Variants in PSD4 observed in about 807,000 individuals in gnomAD.
PSD4 encodes the protein pleckstrin and Sec7 domain containing 4, also known as PH and SEC7 domain-containing protein 4.
PSD4 carries 59 observed loss-of-function variants against 112.5 expected under a neutral mutation model. That is an observed-to-expected ratio of 0.52 (90% CI 0.43 to 0.65). PSD4 has a LOEUF of 0.65. Among genes scored for constraint, PSD4 ranks in the 30% least tolerant of loss-of-function variants. The probability of loss-of-function intolerance (pLI) is 0.00; values close to 1 mark genes in which losing one functional copy is unlikely to be tolerated. For synonymous variants in PSD4, 533 were observed against 540.0 expected, an observed-to-expected ratio of 0.99 and a Z score of 0.18; for missense variants, 1,267 against 1,352.6, an observed-to-expected ratio of 0.94 and a Z score of 0.99.
rs377061829 is a variant in PSD4, at chr2:113,192,556, G to A, written c.1805G>A (p.Arg602Gln). The A allele has an allele frequency of 3.3e-5, 53 of 1,614,030 alleles. No homozygotes were observed. Among genetic ancestry groups the A allele is most frequent in the Non-Finnish European group, 4.0e-5 (47 of 1,180,012 alleles). ...ASRLYRLEGF[R>Q]KSEVAAYLQK... ...CGCCTCTATCGCCTGGAGGGCTTCCGGAAGTCTGAAGTGGCTGCCTACCTG... is the reference window on the plus strand; with the variant it reads ...CGCCTCTATCGCCTGGAGGGCTTCCAGAAGTCTGAAGTGGCTGCCTACCTG... Residue 602 changes from arginine (R) to glutamine (Q), a missense_variant, in exon 6 of 17, where the codon CGG becomes CAG. Physicochemically the swap from Arg to Gln is conservative, Grantham distance 43. This residue lies in a region of PSD4 where 544 missense variants were observed against 648.6 expected (regional missense o/e 0.84). Transcript: ENST00000245796.
rs1273892240 is a variant in PSD4, at chr2:113,193,881, G to T, written c.2114G>T (p.Cys705Phe). Residue 705 changes from cysteine to phenylalanine, a missense_variant, in exon 10 of 17, where the codon TGC becomes TTC. Cys to Phe is a radical substitution (Grantham distance 205). Around this residue, in one of 2 missense-constraint regions of PSD4, gnomAD observed 544 missense variants for 648.6 expected, o/e 0.84. Coordinates refer to ENST00000245796, the MANE Select transcript of PSD4 (RefSeq NM_012455.3). ...HGQNIGKSMS[C>F]QEFITNLNGL... is the part of the protein sequence containing the mutation. Reference sequence around the variant, plus strand: ...CAGAACATTGGGAAGAGCATGAGCTGCCAGGAATTCATAACCAACCTGAAT... The same window carrying T: ...CAGAACATTGGGAAGAGCATGAGCTTCCAGGAATTCATAACCAACCTGAAT... The T allele has an allele frequency of 8.1e-6, 13 of 1,614,030 alleles. No homozygotes were observed. The highest frequency in any genetic ancestry group is 1.3e-5 in the African/African-American group (1 of 74,928).
At chr2:113,187,032 C>T (rs1672465391) in intron 5 of PSD4, among the ~76,000 whole-genome samples, 1 of 152,222 alleles carries the variant, frequency 6.6e-6, no homozygotes, top group Non-Finnish European at 1.5e-5. Context: ...GCAAGGGTTC[C>T]CCGAGCTCAG....
At chr2:113,179,769 A>T in intron 1 of PSD4, among the ~76,000 whole-genome samples, 1 of 152,204 alleles carries the variant, frequency 6.6e-6, no homozygotes, top group East Asian at 1.9e-4. Context: ...AGCATCAAGT[A>T]CAAGATTAAA....
rs1289107772 is a variant in PSD4, at chr2:113,182,802, C to G, written c.346C>G (p.Leu116Val). The change falls in exon 2 of 17, where the codon CTG becomes GTG. Residue 116 changes from leucine (L) to valine (V), a missense_variant. By Grantham distance (32) the Leu-to-Val change is conservative (BLOSUM62 1). This residue lies in a region of PSD4 where 723 missense variants were observed against 704.0 expected (regional missense o/e 1.03). Coordinates refer to ENST00000245796, the MANE Select transcript of PSD4 (RefSeq NM_012455.3). The stretch of plus-strand genomic sequence containing the variant: ...GGGCTCCGGTGTGGAGCTCACACAC[C>G]TGGGGAGCCCCTCTGCCCAGAGGGA... ...PWGSGVELTHLGSPSAQREHR... is the reference protein window; with the variant it reads ...PWGSGVELTHVGSPSAQREHR... The G allele has an allele frequency of 6.2e-7, 1 of 1,606,078 alleles. No homozygotes were observed. Among genetic ancestry groups the G allele is most frequent in the East Asian group, 2.2e-5 (1 of 44,768 alleles).
chr2:113,184,992 G>A lies in PSD4; in HGVS notation c.1092G>A (p.Pro364=), dbSNP rs780909915. ...DRLGPAPSAA[P]CVDEALTWES... ...TTGGTCCTGCTCCATCTGCAGCACC[G>A]TGTGTGGACGAAGCATTGACCTGGG... is the stretch of plus-strand genomic sequence containing the variant. Residue 364 remains proline (P), a synonymous_variant, in exon 3 of 17, where the codon CCG becomes CCA. Coordinates refer to ENST00000245796, the MANE Select transcript of PSD4 (RefSeq NM_012455.3). 1.4e-5 allele frequency: 22 copies of A among 1,614,108 alleles called. No homozygotes were observed. Among genetic ancestry groups the A allele is most frequent in the South Asian group, 4.4e-5 (4 of 91,088 alleles).
chr2:113,201,464 A>G lies in PSD4; in HGVS notation c.*49A>G. The G allele has an allele frequency of 6.3e-7, 1 of 1,599,760 alleles. No individual in the cohort carries two copies. The highest frequency in any genetic ancestry group is 8.5e-7 in the Non-Finnish European group (1 of 1,173,148). Reference sequence around the variant, plus strand: ...TGTTCCCTGCTCCAGGGTAGACCTGAGATGAACCTCCCTGGAGGAGACTTA... The same window carrying G: ...TGTTCCCTGCTCCAGGGTAGACCTGGGATGAACCTCCCTGGAGGAGACTTA... On this transcript the variant is annotated 3_prime_UTR_variant, in exon 17 of 17. Coordinates refer to ENST00000245796, the MANE Select transcript of PSD4 (RefSeq NM_012455.3).
intron 14 of PSD4, chr2:113,198,160 G>A (rs2104508660): frequency 2.1e-6 from 1 of 468,078 alleles, no homozygotes; most frequent in South Asian, 4.9e-5. Flanking sequence ...TTCCTTGTCA[G>A]TGGGATAAAG....
At chr2:113,185,711 G>A (rs1419965460) in intron 4 of PSD4, 166 bp from the exon 5 acceptor site, 54 of 1,548,780 alleles carry the variant, frequency 3.5e-5, no homozygotes, top group Non-Finnish European at 4.4e-5. Flanking sequence ...CTGGGAGCCC[G>A]CTGTCTGCTG....
At chr2:113,186,767 T>A (rs1558890200) in intron 5 of PSD4, among the ~76,000 whole-genome samples, 2 of 152,170 alleles carry the variant, frequency 1.3e-5, no homozygotes, top group African/African-American at 4.8e-5. Context: ...AGGGAATGGA[T>A]CTTGGGGCCC....
rs117059968 is a variant in PSD4, at chr2:113,200,751, T to G, written c.2914-407T>G. 3.4e-3 allele frequency among the ~76,000 whole-genome samples: 514 copies of G among 152,318 alleles called. 11 individuals carry two copies. The highest frequency in any genetic ancestry group is 0.025 in the East Asian group (130 of 5,190). On this transcript the variant is annotated intron_variant, in intron 16 of 16. Coordinates refer to ENST00000245796, the MANE Select transcript of PSD4 (RefSeq NM_012455.3). ...TAGATGAGGGTAGTTAGCATCATGC[T>G]CCACAGATGCCAATTGTTAAAATGC...
intron 5 of PSD4, among the ~76,000 whole-genome samples, chr2:113,189,822 T>C (rs890690604): frequency 8.5e-5 from 13 of 152,208 alleles, no homozygotes; most frequent in African/African-American, 3.1e-4. Flanking sequence ...CTTTTGAGAA[T>C]TGTCTATTCA....
chr2:113,190,662 C>T (rs142039738), intron 5 of PSD4, among the ~76,000 whole-genome samples: 1 of 152,158 alleles, frequency 6.6e-6, no homozygotes, highest in Non-Finnish European at 1.5e-5. Flanking sequence ...AGGCAGACCA[C>T]AAGGCTGGTC....
Position 113,183,064 on chromosome 2 carries a change from C to T in PSD4, c.608C>T (p.Ser203Phe), listed in dbSNP as rs1381726917. The T allele has an allele frequency of 6.2e-7, 1 of 1,612,850 alleles. No homozygotes were observed. Among genetic ancestry groups the T allele is most frequent in the Admixed American group, 1.7e-5 (1 of 59,956 alleles). The change falls in exon 2 of 17, where the codon TCC becomes TTC. Residue 203 changes from serine to phenylalanine, a missense_variant. Coordinates refer to ENST00000245796, the MANE Select transcript of PSD4 (RefSeq NM_012455.3). Reference protein sequence around the residue: ...VDLPGDTGLHSSPPENEDSGE... With the variant: ...VDLPGDTGLHFSPPENEDSGE... ...CTCCCCGGGGACACGGGCCTGCACT[C>T]CAGCCCACCTGAGAATGAAGACTCA...
rs1254329837 is a variant in PSD4, at chr2:113,185,411, C to T, written c.1220C>T (p.Pro407Leu). ...EGWQRGGPFW[P>L]QVTLNSQDRD... The stretch of plus-strand genomic sequence containing the variant: ...TGGCAGAGAGGAGGTCCTTTTTGGC[C>T]CCAGGTGACTCTTAACTCCCAGGAC... Residue 407 changes from proline to leucine, a missense_variant, in exon 4 of 17, where the codon CCC (proline) becomes CTC (leucine). Coordinates refer to ENST00000245796, the MANE Select transcript of PSD4 (RefSeq NM_012455.3). 3 of 1,614,014 alleles carry T rather than the reference C, an allele frequency of 1.9e-6. No homozygotes were observed. Among genetic ancestry groups the T allele is most frequent in the African/African-American group, 2.7e-5 (2 of 74,904 alleles).
In PSD4 at chr2:113,199,175, T is replaced by C; in HGVS notation, c.2862T>C (p.Arg954=). ...LQRNLPERRG[R]GRELEEHRLR... ...GGAACCTGCCGGAGCGGCGGGGCCG[T>C]GGCCGCGAGCTGGAGGAGCACCGCC... is the stretch of plus-strand genomic sequence containing the variant. The change falls in exon 16 of 17, where the codon CGT becomes CGC. Residue 954 remains arginine, a synonymous_variant. Transcript: ENST00000245796. 1 of 1,524,638 alleles carries C rather than the reference T, an allele frequency of 6.6e-7. No individual in the cohort carries two copies. The highest frequency in any genetic ancestry group is 8.8e-7 in the Non-Finnish European group (1 of 1,138,894). 94.4% of individuals were successfully genotyped at this position (1,524,638 alleles called of 1,614,324 possible).
Position 113,199,227 on chromosome 2 carries a change from G to A in PSD4, c.2913+1G>A. The A allele has an allele frequency of 1.3e-6, 2 of 1,488,394 alleles. No individual in the cohort carries two copies. Among genetic ancestry groups the A allele is most frequent in the Non-Finnish European group, 1.8e-6 (2 of 1,124,904 alleles). 92.2% of individuals were successfully genotyped at this position (1,488,394 alleles called of 1,614,324 possible). A position where few individuals can be genotyped will look rare whatever the true frequency, so the allele number is the denominator to read the frequency against. On this transcript the variant is annotated splice_donor_variant, in intron 16 of 16. Coordinates refer to ENST00000245796, the MANE Select transcript of PSD4 (RefSeq NM_012455.3). LOFTEE classifies it high-confidence loss of function. ...GCGGAAGGAGTACCTGGAGTACGAGGTGAGCGGCCGAGCCCACCTCCCCGC... is the reference window on the plus strand; with the variant it reads ...GCGGAAGGAGTACCTGGAGTACGAGATGAGCGGCCGAGCCCACCTCCCCGC...
Position 113,182,631 on chromosome 2 carries a change from A to G in PSD4, c.175A>G (p.Thr59Ala). 1 of 1,613,898 alleles carries G rather than the reference A, an allele frequency of 6.2e-7. No individual in the cohort carries two copies. The highest frequency in any genetic ancestry group is 2.2e-5 in the East Asian group (1 of 44,804). Reference protein sequence around the residue: ...QTWATDPPEPTRQNVPPWGSG... With the variant: ...QTWATDPPEPARQNVPPWGSG... ...CTGGGCCACTGACCCTCCTGAACCT[A>G]CCAGACAAAATGTTCCTCCCTGGGG... is the stretch of plus-strand genomic sequence containing the variant. Residue 59 changes from threonine (T) to alanine (A), a missense_variant, in exon 2 of 17, where the codon ACC (threonine) becomes GCC (alanine). Transcript: ENST00000245796.
intron 8 of PSD4, 52 bp from the exon 9 acceptor site, chr2:113,193,540 A>C: frequency 6.3e-7 from 1 of 1,576,906 alleles, no homozygotes; most frequent in Non-Finnish European, 8.7e-7. Flanking sequence ...CAGAGGAAAC[A>C]GGAGCCCTGG....
chr2:113,180,176 G>C lies in PSD4; in HGVS notation c.-111-2170G>C, dbSNP rs183584498. Reference sequence around the variant, plus strand: ...CCTGACCTTCGTGAGAGAGCGCTGAGGGTTACCATTTACTGAGTGTCTAAC... The same window carrying C: ...CCTGACCTTCGTGAGAGAGCGCTGACGGTTACCATTTACTGAGTGTCTAAC... On this transcript the variant is annotated intron_variant, in intron 1 of 16. Transcript: ENST00000245796. Among the ~76,000 whole-genome samples, 19 of 152,312 alleles carry C rather than the reference G, an allele frequency of 1.2e-4. No individual in the cohort carries two copies. The East Asian group carries it at 3.5e-3, about 28-fold the overall frequency.
Sources: allele counts gnomAD v4.1 joint callset (sites outside exome capture counted in the v4.1 genomes callset), GRCh38; gene constraint gnomAD v4.1.1; regional missense constraint gnomAD v4.1.1; transcripts MANE v1.5; gene names NCBI Gene and HGNC (gene_info 2026-07-23, HGNC 2026-07-21).